The following MSI2 variants were observed in gnomAD, a reference collection of about 807,000 sequenced individuals.
The protein encoded by MSI2 is RNA-binding protein Musashi homolog 2.
In MSI2, 17 loss-of-function variants were observed where a neutral mutation model predicts 45.6. The observed-to-expected ratio is 0.37, with a 90% CI of 0.26 to 0.56. The LOEUF (loss-of-function observed/expected upper bound fraction) is 0.56, where lower values mean the gene tolerates loss of function less well. Ranked by LOEUF, MSI2 falls within the 20% of genes least tolerant of loss-of-function variation. The pLI, the probability that MSI2 is intolerant of heterozygous loss-of-function variation, is 0.77. For synonymous variants in MSI2, 156 were observed against 158.2 expected, an observed-to-expected ratio of 0.99 and a Z score of 0.11; for missense variants, 293 against 444.2, an observed-to-expected ratio of 0.66 and a Z score of 3.06.
At chr17:57,293,443 G>A (rs191466035) in intron 5 of MSI2, among the ~76,000 whole-genome samples, 11 of 152,234 alleles carry the variant, frequency 7.2e-5, no homozygotes, top group South Asian at 2.1e-4. Context: ...TTCCACCTCC[G>A]CCTCCTCCTC....
intron 11 of MSI2, among the ~76,000 whole-genome samples, chr17:57,659,337 C>T (rs1440084606): frequency 6.6e-6 from 1 of 151,958 alleles, no homozygotes; most frequent in Non-Finnish European, 1.5e-5. Context: ...CTGAAATGAT[C>T]CTCCTACCTT....
chr17:57,630,605 A>G (rs969013366), intron 10 of MSI2: 1 of 152,194 alleles, frequency 6.6e-6, no homozygotes, highest in Non-Finnish European at 1.5e-5. Context: ...GTCAGAGTCT[A>G]TTCCCCTCCT....
chr17:57,428,806 G>A (rs1201004702), intron 6 of MSI2, among the ~76,000 whole-genome samples: 2 of 152,102 alleles, frequency 1.3e-5, no homozygotes, highest in Non-Finnish European at 2.9e-5. Context: ...CACCCTCGCT[G>A]TATTGTCCAT....
At chr17:57,422,613 G>A (rs947850451) in intron 6 of MSI2, among the ~76,000 whole-genome samples, 2 of 152,168 alleles carry the variant, frequency 1.3e-5, no homozygotes, top group African/African-American at 4.8e-5. Flanking sequence ...CTCAGTCCAG[G>A]GCTAGCAAAC....
At chr17:57,327,346 AGCCAGTGTACATC>A (rs1454656528) in intron 5 of MSI2, among the ~76,000 whole-genome samples, 1 of 152,234 alleles carries the variant, frequency 6.6e-6, no homozygotes, top group Non-Finnish European at 1.5e-5. Flanking sequence ...GAGGTCACAC[AGCCAGTGTACATC>A]GCAGGGACCC....
At chr17:57,269,210 T>G (rs900634774) in intron 5 of MSI2, among the ~76,000 whole-genome samples, 5 of 152,134 alleles carry the variant, frequency 3.3e-5, no homozygotes, top group Admixed American at 2.0e-4. Flanking sequence ...AAAGGGTATG[T>G]GCTGCAGAGT....
At chr17:57,503,663 G>A (rs1219717888) in intron 6 of MSI2, among the ~76,000 whole-genome samples, 2 of 152,248 alleles carry the variant, frequency 1.3e-5, no homozygotes, top group South Asian at 2.1e-4. Context: ...TGAGTCCTGG[G>A]TCTGGGGTGA....
intron 5 of MSI2, among the ~76,000 whole-genome samples, chr17:57,298,538 G>A (rs1486792996): frequency 6.6e-6 from 1 of 152,158 alleles, no homozygotes; most frequent in Non-Finnish European, 1.5e-5. Context: ...GCACATGCTT[G>A]TAATCCCAGC....
At chr17:57,446,524 C>A (rs562590418) in intron 6 of MSI2, among the ~76,000 whole-genome samples, 4 of 152,292 alleles carry the variant, frequency 2.6e-5, no homozygotes, top group African/African-American at 9.6e-5. Flanking sequence ...GTTAAAGGTG[C>A]CAAGCACGTA....
At chr17:57,345,342 C>A (rs1202836688) in intron 5 of MSI2, among the ~76,000 whole-genome samples, 2 of 152,116 alleles carry the variant, frequency 1.3e-5, no homozygotes, top group African/African-American at 4.8e-5. Context: ...CTGAGAGAAG[C>A]CCTGCTGCCA....
At chr17:57,343,626 A>C (rs1038156405) in intron 5 of MSI2, among the ~76,000 whole-genome samples, 14 of 152,178 alleles carry the variant, frequency 9.2e-5, no homozygotes, top group Admixed American at 9.2e-4. Context: ...CTTTTATGTA[A>C]TCTACCATCT....
chr17:57,410,008 CAAAAAA>C (rs59098048), intron 6 of MSI2, among the ~76,000 whole-genome samples: 1,422 of 61,704 alleles, frequency 0.023, 101 homozygotes, highest in African/African-American at 0.079. Flanking sequence ...ACTCTGTCTC[CAAAAAA>C]AAAAAAAAAA....
At chr17:57,421,790 G>A (rs779429782) in intron 6 of MSI2, among the ~76,000 whole-genome samples, 1 of 152,166 alleles carries the variant, frequency 6.6e-6, no homozygotes, top group African/African-American at 2.4e-5. Flanking sequence ...CCAGGAGTTC[G>A]AGGCTGCAGT....
chr17:57,674,961 T>C lies in MSI2; in HGVS notation c.791-11T>C. ...CTCAACCGAATTTTGGCGCGCCCGC[T>C]TCCCCGGCAGGCTCCAACCCGGCGC... On this transcript the variant is annotated splice_polypyrimidine_tract_variant and intron_variant, in intron 11 of 13. Transcript: ENST00000284073. 1 of 1,612,852 alleles carries C rather than the reference T, an allele frequency of 6.2e-7. No individual in the cohort carries two copies. Among genetic ancestry groups the C allele is most frequent in the Non-Finnish European group, 8.5e-7 (1 of 1,179,524 alleles).
chr17:57,258,432 G>A (rs1179218119), intron 4 of MSI2, 78 bp downstream of exon 4: 6 of 1,191,560 alleles, frequency 5.0e-6, no homozygotes, highest in South Asian at 1.2e-5. Context: ...TAAAGGGACA[G>A]TGCCTTCTTT....
At chr17:57,492,363 C>CT (rs2085890674) in intron 6 of MSI2, among the ~76,000 whole-genome samples, 1 of 152,206 alleles carries the variant, frequency 6.6e-6, no homozygotes, top group Non-Finnish European at 1.5e-5. Flanking sequence ...CTCCGGGTCC[C>CT]TTTAAGGTCA....
At chr17:57,464,013 G>GTGTA (rs1555609471) in intron 6 of MSI2, among the ~76,000 whole-genome samples, 7 of 128,314 alleles carry the variant, frequency 5.5e-5, no homozygotes, top group African/African-American at 1.6e-4. Context: ...GTGTGTGTGT[G>GTGTA]TGTGTGTATG....
At chr17:57,510,368 C>T (rs922740909) in intron 6 of MSI2, among the ~76,000 whole-genome samples, 2 of 150,484 alleles carry the variant, frequency 1.3e-5, no homozygotes, top group Admixed American at 6.6e-5. Context: ...GTTCCACTGG[C>T]GTGAGCTCCT....
intron 6 of MSI2, among the ~76,000 whole-genome samples, chr17:57,416,097 G>A (rs1322711983): frequency 6.6e-6 from 1 of 152,180 alleles, no homozygotes; most frequent in East Asian, 1.9e-4. Flanking sequence ...CTTCTGTTGA[G>A]AAGATAATAC....
Sources: gnomAD v4.1 joint callset for allele counts (sites outside exome capture counted in the v4.1 genomes callset) on GRCh38, gnomAD v4.1.1 for gene constraint, MANE v1.5 for transcripts, NCBI Gene and HGNC (gene_info 2026-07-23, HGNC 2026-07-21) for gene names.